The following CDC20B variants were observed in gnomAD, a reference collection of about 807,000 sequenced individuals.
CDC20B encodes the protein cell division cycle 20B.
Under a neutral mutation model 64.1 loss-of-function variants are expected in CDC20B, and 58 were observed. The ratio of observed to expected loss-of-function variants is 0.90; its 90% CI spans 0.73 to 1.13. The LOEUF is 1.13. CDC20B is among the 50% of genes most tolerant of loss of function. The pLI, the probability that CDC20B is intolerant of heterozygous loss-of-function variation, is 0.00. For missense variants in CDC20B, 597 were observed against 633.0 expected (o/e 0.94, Z 0.61); for synonymous variants, 243 against 230.6 (o/e 1.05, Z -0.49).
intron 11 of CDC20B, 30 bp downstream of exon 11, chr5:55,119,771 G>A (rs926828352): frequency 2.3e-6 from 3 of 1,316,366 alleles, no homozygotes; most frequent in African/African-American, 2.9e-5. Flanking sequence ...TGCTATAGGT[G>A]CATGGCATTT....
chr5:55,142,069 TC>T (rs1743344641), intron 4 of CDC20B, among the ~76,000 whole-genome samples: 1 of 152,154 alleles, frequency 6.6e-6, no homozygotes, highest in Non-Finnish European at 1.5e-5. Flanking sequence ...ACAAAGCTGA[TC>T]ACAGCAAGGT....
chr5:55,118,154 G>A (rs946115323), intron 11 of CDC20B, among the ~76,000 whole-genome samples: 1 of 151,910 alleles, frequency 6.6e-6, no homozygotes, highest in African/African-American at 2.4e-5. Flanking sequence ...AAAAGAAGAA[G>A]AAAAAACTGT....
At chr5:55,132,886 T>C (rs2783480) in intron 6 of CDC20B, among the ~76,000 whole-genome samples, 148,132 of 152,316 alleles carry the variant, frequency 0.97, 72,069 homozygotes, top group East Asian at 1. Flanking sequence ...CAAGTTCTAA[T>C]GATCTTCCAA....
intron 2 of CDC20B, 158 bp downstream of exon 2, chr5:55,172,421 CTGGGATCTT>C: frequency 1.7e-6 from 1 of 582,044 alleles, no homozygotes; most frequent in Non-Finnish European, 3.0e-6. Context: ...CATTATTTGT[CTGGGATCTT>C]CAGTTTCATA....
chr5:55,146,369 G>A (rs931540593), intron 3 of CDC20B, among the ~76,000 whole-genome samples: 3 of 152,060 alleles, frequency 2.0e-5, no homozygotes, highest in Non-Finnish European at 4.4e-5. Context: ...ATTGGCCAAC[G>A]GTTCTTTGCA....
chr5:55,149,643 TAGTC>T (rs1743604837), intron 2 of CDC20B, among the ~76,000 whole-genome samples: 1 of 152,114 alleles, frequency 6.6e-6, no homozygotes, highest in Non-Finnish European at 1.5e-5. Context: ...CTATATGAAA[TAGTC>T]AGCACAGGAA....
At chr5:55,118,427 A>G (rs1353087698) in intron 11 of CDC20B, among the ~76,000 whole-genome samples, 1 of 152,094 alleles carries the variant, frequency 6.6e-6, no homozygotes, top group Non-Finnish European at 1.5e-5. Flanking sequence ...AGTTAAAACT[A>G]AAGTACTTAT....
chr5:55,124,664 G>T (rs1742831432), intron 9 of CDC20B, 139 bp downstream of exon 9: 4 of 731,602 alleles, frequency 5.5e-6, no homozygotes, highest in Non-Finnish European at 8.9e-6. Context: ...TCTTTCAGGA[G>T]AGTGATGACA....
At chr5:55,119,992 G>A in intron 10 of CDC20B, 74 bp from the exon 11 acceptor site, 3 of 1,094,176 alleles carry the variant, frequency 2.7e-6, no homozygotes, top group Non-Finnish European at 4.2e-6. Flanking sequence ...CTGGTTACAG[G>A]CAGTATGCAC....
At chr5:55,152,194 C>T in intron 2 of CDC20B, among the ~76,000 whole-genome samples, 1 of 152,252 alleles carries the variant, frequency 6.6e-6, no homozygotes, top group South Asian at 2.1e-4. Context: ...GCCCTGCTGA[C>T]ACCCCAGCTT....
chr5:55,158,296 G>A (rs930397172), intron 2 of CDC20B, among the ~76,000 whole-genome samples: 1 of 152,154 alleles, frequency 6.6e-6, no homozygotes, highest in Admixed American at 6.6e-5. Flanking sequence ...TAAACACAGG[G>A]ACTTTGACTT....
intron 11 of CDC20B, among the ~76,000 whole-genome samples, chr5:55,119,076 T>C (rs1217417732): frequency 1.3e-5 from 2 of 152,210 alleles, no homozygotes; most frequent in African/African-American, 4.8e-5. Context: ...ACCTCAGGGA[T>C]TGGCCAGGAG....
At chr5:55,156,471 A>G (rs1341831389) in intron 2 of CDC20B, among the ~76,000 whole-genome samples, 1 of 152,194 alleles carries the variant, frequency 6.6e-6, no homozygotes, top group South Asian at 2.1e-4. Context: ...TGTTCCATTC[A>G]CTAATTCTGT....
intron 2 of CDC20B, among the ~76,000 whole-genome samples, chr5:55,150,300 C>A (rs890989524): frequency 3.9e-5 from 6 of 152,190 alleles, no homozygotes; most frequent in African/African-American, 7.2e-5. Flanking sequence ...AAAGAGTATT[C>A]CAATACAGTC....
intron 6 of CDC20B, among the ~76,000 whole-genome samples, chr5:55,133,033 T>C (rs1361381129): frequency 6.6e-6 from 1 of 152,206 alleles, no homozygotes; most frequent in Non-Finnish European, 1.5e-5. Flanking sequence ...TGGTATCAGT[T>C]CCGTGTCAGT....
At chr5:55,145,703 A>G (rs1017726958) in intron 3 of CDC20B, among the ~76,000 whole-genome samples, 1 of 149,596 alleles carries the variant, frequency 6.7e-6, no homozygotes, top group Non-Finnish European at 1.5e-5. Context: ...CTTCTTCCCT[A>G]CTACTCTTGG....
intron 2 of CDC20B, among the ~76,000 whole-genome samples, chr5:55,168,734 T>TA (rs1744494495): frequency 6.6e-6 from 1 of 152,164 alleles, no homozygotes; most frequent in African/African-American, 2.4e-5. Context: ...GAAAATCAAT[T>TA]ACGGCATGTT....
intron 9 of CDC20B, 133 bp from the exon 10 acceptor site, chr5:55,120,683 G>A: frequency 9.7e-7 from 1 of 1,034,112 alleles, no homozygotes. Flanking sequence ...GCTATCTAAA[G>A]GCAGGAGCAA....
At chr5:55,156,465 C>T (rs1743810942) in intron 2 of CDC20B, among the ~76,000 whole-genome samples, 1 of 152,162 alleles carries the variant, frequency 6.6e-6, no homozygotes, top group Non-Finnish European at 1.5e-5. Context: ...CTTCATTGTT[C>T]CATTCACTAA....
Sources: allele counts gnomAD v4.1 joint callset (sites outside exome capture counted in the v4.1 genomes callset), GRCh38; gene constraint gnomAD v4.1.1; transcripts MANE v1.5; gene names NCBI Gene and HGNC (gene_info 2026-07-23, HGNC 2026-07-21).